Variants in SLC41A2 observed in about 807,000 individuals in gnomAD.
SLC41A2 encodes the protein SLC41A1-like 1.
Under a neutral mutation model 58.3 loss-of-function variants are expected in SLC41A2, and 32 were observed. That is an observed-to-expected ratio of 0.55 (90% CI 0.41 to 0.74). The LOEUF (loss-of-function observed/expected upper bound fraction) is 0.74. Among genes scored for constraint, SLC41A2 ranks in the 30% least tolerant of loss-of-function variants. The pLI, the probability that SLC41A2 is intolerant of heterozygous loss-of-function variation, is 0.00. For missense variants in SLC41A2, 514 were observed against 680.6 expected (o/e 0.76, Z 2.72); for synonymous variants, 190 against 235.0 (o/e 0.81, Z 1.75).
intron 6 of SLC41A2, among the ~76,000 whole-genome samples, chr12:104,868,661 T>C (rs1278615319): frequency 6.6e-6 from 1 of 152,212 alleles, no homozygotes; most frequent in Admixed American, 6.5e-5. Flanking sequence ...TGAATGTTCA[T>C]AGCAGCACTA....
At chr12:104,818,420 A>G (rs2041499440) in intron 10 of SLC41A2, among the ~76,000 whole-genome samples, 1 of 152,218 alleles carries the variant, frequency 6.6e-6, no homozygotes, top group Non-Finnish European at 1.5e-5. Flanking sequence ...GACACACTTG[A>G]ATATATAAGT....
At chr12:104,889,921 T>C (rs1020895451) in intron 4 of SLC41A2, among the ~76,000 whole-genome samples, 7 of 152,084 alleles carry the variant, frequency 4.6e-5, no homozygotes, top group African/African-American at 1.2e-4. Context: ...AACCTGCCAC[T>C]AAGAAATAAC....
Position 104,920,437 on chromosome 12 carries a change from AAAAG to A in SLC41A2, c.555+7532_555+7535del, listed in dbSNP as rs563492897. Among the ~76,000 whole-genome samples, 60 of 152,208 alleles carry A rather than the reference AAAAG, an allele frequency of 3.9e-4. No homozygotes were observed. The East Asian group carries it at 0.012, about 29-fold the overall frequency. ...ACAAAGAGATTGAAATAATAAAAAT[AAAAG>A]AAAACAAATCGTAAAACTGAGAAAT... On this transcript the variant is annotated intron_variant, in intron 2 of 10. Coordinates refer to ENST00000258538, the MANE Select transcript of SLC41A2 (RefSeq NM_001352171.3).
rs2042531689 is a variant in SLC41A2 at position 104,844,482 on chromosome 12, G to A, written c.1526C>T (p.Ala509Val). Residue 509 changes from alanine to valine, a missense_variant, in exon 10 of 11, where the codon GCT becomes GTT. Ala to Val is a moderately conservative substitution (Grantham distance 64, BLOSUM62 0). This residue lies in a region of SLC41A2 where 128 missense variants were observed against 146.0 expected (regional missense o/e 0.88). Transcript: ENST00000258538. ...AGTTTTAACTCTTACCTGTAACACA[G>A]CGCCAAATAAATACACTACTATGAA... ...IIFIVVYLFG[A>V]VLQVFTLLWI... 4.7e-6 allele frequency: 7 copies of A among 1,489,930 alleles called. No individual in the cohort carries two copies. Among genetic ancestry groups the A allele is most frequent in the Non-Finnish European group, 6.2e-6 (7 of 1,121,872 alleles). The allele number at this position is 1,489,930 out of a possible 1,614,324, so 92.3% of individuals were successfully genotyped here.
At chr12:104,879,071 G>A (rs2044219037) in intron 6 of SLC41A2, among the ~76,000 whole-genome samples, 1 of 152,216 alleles carries the variant, frequency 6.6e-6, no homozygotes, top group African/African-American at 2.4e-5. Context: ...CAGTGATGAT[G>A]AGCATTTTTC....
At chr12:104,953,007 T>C (rs1037229701) in intron 1 of SLC41A2, among the ~76,000 whole-genome samples, 1 of 152,240 alleles carries the variant, frequency 6.6e-6, no homozygotes, top group Non-Finnish European at 1.5e-5. Context: ...TTTATCGTAA[T>C]GGTACTTGTA....
chr12:104,933,840 G>A (rs974476757), intron 1 of SLC41A2, among the ~76,000 whole-genome samples: 4 of 152,018 alleles, frequency 2.6e-5, no homozygotes, highest in Admixed American at 1.3e-4. Context: ...ACTACTGCAT[G>A]TTCTTAGTTT....
chr12:104,925,661 C>T lies in SLC41A2; in HGVS notation c.555+2312G>A, dbSNP rs370306190. On this transcript the variant is annotated intron_variant, in intron 2 of 10. Transcript: ENST00000258538. ...CTAGCACTGTAAAAGTTCATAAAAT[C>T]ATAAAAGGAACTTTTTCCAATTATA... 7.2e-5 allele frequency among the ~76,000 whole-genome samples: 11 copies of T among 152,254 alleles called. No homozygotes were observed. In the East Asian group the frequency reaches 1.5e-3, roughly 21 times the overall value.
At chr12:104,851,759 G>A (rs1458775038) in intron 8 of SLC41A2, 1 of 152,080 alleles carries the variant, frequency 6.6e-6, no homozygotes, top group Admixed American at 6.6e-5. Flanking sequence ...GAAGTTAGAG[G>A]TGACTATCTT....
chr12:104,809,730 A>T (rs2041088964), intron 10 of SLC41A2, among the ~76,000 whole-genome samples: 1 of 152,152 alleles, frequency 6.6e-6, no homozygotes, highest in Non-Finnish European at 1.5e-5. Flanking sequence ...TATGGGGCCT[A>T]ATATCTGCCA....
chr12:104,809,593 T>C (rs1054733049), intron 10 of SLC41A2, among the ~76,000 whole-genome samples: 16 of 152,196 alleles, frequency 1.1e-4, no homozygotes, highest in Admixed American at 7.9e-4. Flanking sequence ...GTTTTGGGTA[T>C]GGAGGAAGCA....
rs76336462 is a variant in SLC41A2 at position 104,846,086 on chromosome 12, A to G, written c.1256-112T>C. 3,067 of 1,051,096 alleles carry G rather than the reference A, an allele frequency of 2.9e-3. 79 individuals carry two copies. In the African/African-American group the frequency reaches 0.045, roughly 15 times the overall value. The allele number at this position is 1,051,096 out of a possible 1,614,324, so 65.1% of individuals were successfully genotyped here. A position where few individuals can be genotyped will look rare whatever the true frequency, so the allele number is the denominator to read the frequency against. The stretch of plus-strand genomic sequence containing the variant: ...CATTCTGGGCCAATAAAACAAAATA[A>G]AGAGTTCTTCTGAAATGTTGATCTA... On this transcript the variant is annotated intron_variant, in intron 8 of 10. Coordinates refer to ENST00000258538, the MANE Select transcript of SLC41A2 (RefSeq NM_001352171.3).
chr12:104,876,192 C>T (rs1161081285), intron 6 of SLC41A2, among the ~76,000 whole-genome samples: 1 of 151,934 alleles, frequency 6.6e-6, no homozygotes, highest in Non-Finnish European at 1.5e-5. Context: ...GGCTTTGTCA[C>T]TCTTATATGT....
intron 6 of SLC41A2, among the ~76,000 whole-genome samples, chr12:104,884,770 C>T (rs556173116): frequency 6.6e-6 from 1 of 152,322 alleles, no homozygotes; most frequent in African/African-American, 2.4e-5. Flanking sequence ...TAGTGACAGT[C>T]TCTCTTCACC....
intron 3 of SLC41A2, among the ~76,000 whole-genome samples, chr12:104,903,209 T>C (rs980605732): frequency 6.6e-6 from 1 of 152,154 alleles, no homozygotes; most frequent in Non-Finnish European, 1.5e-5. Flanking sequence ...ACAGACTCCC[T>C]GCTTCAATCC....
chr12:104,948,998 C>G (rs2047848899), intron 1 of SLC41A2, among the ~76,000 whole-genome samples: 1 of 152,078 alleles, frequency 6.6e-6, no homozygotes, highest in South Asian at 2.1e-4. Flanking sequence ...GGTGGATCAC[C>G]TGAGGTCAGG....
At chr12:104,891,072 C>T (rs1266419650) in intron 4 of SLC41A2, among the ~76,000 whole-genome samples, 5 of 152,148 alleles carry the variant, frequency 3.3e-5, no homozygotes, top group African/African-American at 9.7e-5. Flanking sequence ...ACCCTCTCCC[C>T]CAACCATTAC....
intron 1 of SLC41A2, among the ~76,000 whole-genome samples, chr12:104,937,630 A>T (rs1246271567): frequency 2.0e-5 from 3 of 152,194 alleles, no homozygotes; most frequent in African/African-American, 7.2e-5. Context: ...CCCCATCATT[A>T]AGCCCTTCAT....
intron 6 of SLC41A2, among the ~76,000 whole-genome samples, chr12:104,881,773 G>A (rs1181287823): frequency 6.6e-6 from 1 of 152,194 alleles, no homozygotes; most frequent in African/African-American, 2.4e-5. Context: ...ATGTGGTGCT[G>A]AGAAGAATGT....
Sources: gnomAD v4.1 joint callset for allele counts (sites outside exome capture counted in the v4.1 genomes callset) on GRCh38, gnomAD v4.1.1 for gene constraint, gnomAD v4.1.1 regional missense constraint, MANE v1.5 for transcripts, NCBI Gene and HGNC (gene_info 2026-07-23, HGNC 2026-07-21) for gene names.